ZNF423: variants seen among roughly 807,000 people sequenced by gnomAD.
The protein encoded by ZNF423 is Ebf-associated zinc finger protein.
ZNF423 carries 12 observed loss-of-function variants against 95.8 expected under a neutral mutation model. The observed-to-expected ratio is 0.13, with a 90% CI of 0.08 to 0.20. ZNF423 has a LOEUF of 0.20. ZNF423 is among the 10% of genes least tolerant of loss of function. The probability of loss-of-function intolerance (pLI) is 1.00; values close to 1 mark genes in which losing one functional copy is unlikely to be tolerated. For synonymous variants in ZNF423, 749 were observed against 711.9 expected (o/e 1.05, Z -0.83); for missense variants, 1,316 against 1,737.1 (o/e 0.76, Z 4.31).
intron 5 of ZNF423, among the ~76,000 whole-genome samples, chr16:49,589,560 C>A (rs1970942342): frequency 6.6e-6 from 1 of 152,064 alleles, no homozygotes; most frequent in Admixed American, 6.5e-5. Flanking sequence ...TCAGATAAAC[C>A]TTTTGTTCTT....
Position 49,680,096 on chromosome 16 carries a change from G to A in ZNF423, c.302-41222C>T, listed in dbSNP as rs140283128. Among the ~76,000 whole-genome samples, 80 of 152,254 alleles carry A rather than the reference G, an allele frequency of 5.3e-4. No homozygotes were observed. The East Asian group carries it at 0.011, about 21-fold the overall frequency. On this transcript the variant is annotated intron_variant, in intron 3 of 7. Coordinates refer to ENST00000563137, the MANE Select transcript of ZNF423 (RefSeq NM_001379286.1). Reference sequence around the variant, plus strand: ...TCTGTGGAAAGGATCTACCCACTGCGGTCTCCTCTCAGCTGAGAACTAGAC... The same window carrying A: ...TCTGTGGAAAGGATCTACCCACTGCAGTCTCCTCTCAGCTGAGAACTAGAC...
At chr16:49,781,379 A>G (rs1255758889) in intron 2 of ZNF423, among the ~76,000 whole-genome samples, 1 of 152,198 alleles carries the variant, frequency 6.6e-6, no homozygotes, top group Non-Finnish European at 1.5e-5. Flanking sequence ...GGTGAGAGGT[A>G]CGTGGGTCCC....
At chr16:49,777,186 G>A (rs1198980028) in intron 2 of ZNF423, among the ~76,000 whole-genome samples, 4 of 152,218 alleles carry the variant, frequency 2.6e-5, no homozygotes, top group Non-Finnish European at 5.9e-5. Flanking sequence ...GTAGTATGGA[G>A]GAACATGTAT....
chr16:49,679,136 C>A (rs1226144206), intron 3 of ZNF423, among the ~76,000 whole-genome samples: 1 of 152,208 alleles, frequency 6.6e-6, no homozygotes, highest in Non-Finnish European at 1.5e-5. Context: ...TACACAGGGT[C>A]TCACTATGTT....
At chr16:49,733,912 A>G (rs943853567) in intron 2 of ZNF423, among the ~76,000 whole-genome samples, 7 of 152,202 alleles carry the variant, frequency 4.6e-5, no homozygotes, top group Non-Finnish European at 8.8e-5. Flanking sequence ...GAACCTCACC[A>G]TAAGACAAAA....
At chr16:49,824,290 G>A (rs1200599015) in intron 1 of ZNF423, among the ~76,000 whole-genome samples, 1 of 152,066 alleles carries the variant, frequency 6.6e-6, no homozygotes, top group African/African-American at 2.4e-5. Context: ...CCCAAAGGTA[G>A]AGATTAGAGC....
intron 4 of ZNF423, among the ~76,000 whole-genome samples, chr16:49,632,471 T>C (rs1741658921): frequency 6.6e-6 from 1 of 152,110 alleles, no homozygotes; most frequent in African/African-American, 2.4e-5. Flanking sequence ...ACCTGGGCTT[T>C]GTTTCTGCAA....
chr16:49,592,944 T>G (rs1345431), intron 5 of ZNF423, among the ~76,000 whole-genome samples: 73,639 of 152,120 alleles, frequency 0.48, 19,025 homozygotes, highest in African/African-American at 0.67. Flanking sequence ...GAGAGACAGC[T>G]TTCGTGCGGT....
At chr16:49,511,400 G>C (rs1477487916) in intron 7 of ZNF423, among the ~76,000 whole-genome samples, 1 of 152,224 alleles carries the variant, frequency 6.6e-6, no homozygotes, top group Non-Finnish European at 1.5e-5. Flanking sequence ...TCAGCCCGCA[G>C]GCTGCGAACA....
chr16:49,827,486 GATTGGATGGAAGAATGAATGAATGAA>G (rs2035017289), intron 1 of ZNF423, among the ~76,000 whole-genome samples: 1 of 151,906 alleles, frequency 6.6e-6, no homozygotes, highest in African/African-American at 2.4e-5. Context: ...AGTAATACTT[GATTGGATGGAAGAATGAATGAATGAA>G]CAGCTAACTT....
chr16:49,821,711 C>A (rs2034943920), intron 1 of ZNF423, among the ~76,000 whole-genome samples: 1 of 152,178 alleles, frequency 6.6e-6, no homozygotes, highest in Non-Finnish European at 1.5e-5. Context: ...CTCCTCTGCC[C>A]CTGCTGCTCT....
intron 2 of ZNF423, among the ~76,000 whole-genome samples, chr16:49,747,826 G>A (rs552309239): frequency 2.1e-4 from 32 of 152,234 alleles, no homozygotes; most frequent in Non-Finnish European, 3.7e-4. Flanking sequence ...AATCTGTGAC[G>A]CAAGAGATTG....
At chr16:49,719,839 GT>G (rs1173621465) in intron 3 of ZNF423, among the ~76,000 whole-genome samples, 1 of 152,174 alleles carries the variant, frequency 6.6e-6, no homozygotes, top group East Asian at 1.9e-4. Flanking sequence ...CTTTATAGCA[GT>G]GTGAAAATGA....
At chr16:49,716,708 C>A (rs936504866) in intron 3 of ZNF423, among the ~76,000 whole-genome samples, 1 of 152,100 alleles carries the variant, frequency 6.6e-6, no homozygotes, top group Admixed American at 6.5e-5. Context: ...TCTCCCTGCT[C>A]CCCGGCTTTT....
At chr16:49,509,373 T>C (rs959136412) in intron 7 of ZNF423, among the ~76,000 whole-genome samples, 12 of 152,286 alleles carry the variant, frequency 7.9e-5, no homozygotes, top group Middle Eastern at 6.8e-3. Context: ...CCGTCCATGA[T>C]TGATTCTGTC....
chr16:49,650,198 G>A (rs934872753), intron 3 of ZNF423, among the ~76,000 whole-genome samples: 19 of 152,174 alleles, frequency 1.2e-4, no homozygotes, highest in African/African-American at 4.6e-4. Context: ...ACTTAGCTTA[G>A]GCTGCTAAGC....
chr16:49,657,553 T>C (rs1411113186), intron 3 of ZNF423, among the ~76,000 whole-genome samples: 2 of 152,206 alleles, frequency 1.3e-5, no homozygotes, highest in Admixed American at 1.3e-4. Context: ...GGGGAGGTGA[T>C]GCCCCCAGGG....
Position 49,635,884 on chromosome 16 carries a change from C to T in ZNF423, c.3292G>A (p.Gly1098Ser), listed in dbSNP as rs769162672. ...VKLDVNGLPY[G>S]LCAGCMARSA... ...CGGGCCATGCAGCCGGCGCAGAGGC[C>T]GTAGGGCAGCCCATTGACGTCAAGC... is the stretch of plus-strand genomic sequence containing the variant. Residue 1098 changes from glycine (G) to serine (S), a missense_variant, in exon 4 of 8, where the codon GGC (glycine) becomes AGC (serine). Transcript: ENST00000563137. This position sits in a 1 kb window ranked among gnomAD's most constrained non-coding sequence, Gnocchi z 4.8. The T allele has an allele frequency of 9.5e-6, 15 of 1,583,356 alleles. No individual in the cohort carries two copies. The highest frequency in any genetic ancestry group is 1.1e-5 in the Non-Finnish European group (13 of 1,166,350).
intron 3 of ZNF423, among the ~76,000 whole-genome samples, chr16:49,654,448 G>A (rs1171352633): frequency 6.6e-6 from 1 of 152,186 alleles, no homozygotes; most frequent in Admixed American, 6.5e-5. Context: ...CCCAGGCAGG[G>A]GCATGGACAA....
Sources: allele counts gnomAD v4.1 joint callset (sites outside exome capture counted in the v4.1 genomes callset), GRCh38; gene constraint gnomAD v4.1.1; non-coding constraint Gnocchi (gnomAD v3.1); transcripts MANE v1.5; gene names NCBI Gene and HGNC (gene_info 2026-07-23, HGNC 2026-07-21).